TMEM52B: variants seen among roughly 807,000 people sequenced by gnomAD.
The protein encoded by TMEM52B is transmembrane protein 52B, also known as chromosome 12 open reading frame 59.
Under a neutral mutation model 16.1 loss-of-function variants are expected in TMEM52B, and 11 were observed. The ratio of observed to expected loss-of-function variants is 0.68; its 90% confidence interval spans 0.43 to 1.13. The LOEUF is 1.13. Among genes scored for constraint, TMEM52B ranks in the 50% most tolerant of loss-of-function variants. The pLI is 0.00. For missense variants in TMEM52B, 243 were observed against 230.4 expected (o/e 1.05, Z -0.35); for synonymous variants, 101 against 93.8 (o/e 1.08, Z -0.45).
At chr12:10,182,513 A>G in intron 1 of TMEM52B, 37 bp from the exon 2 acceptor site, 2 of 1,530,760 alleles carry the variant, frequency 1.3e-6, no homozygotes, top group Non-Finnish European at 1.7e-6. Flanking sequence ...AGTGGCCAAA[A>G]CAATTTCCCT....
At chr12:10,184,790 T>C (rs181034170) in intron 2 of TMEM52B, among the ~76,000 whole-genome samples, 1 of 152,306 alleles carries the variant, frequency 6.6e-6, no homozygotes, top group African/African-American at 2.4e-5. Context: ...TTCACATCCA[T>C]TTTCAAAGTT....
At chr12:10,181,284 G>T (rs1340990718) in intron 1 of TMEM52B, among the ~76,000 whole-genome samples, 1 of 152,010 alleles carries the variant, frequency 6.6e-6, no homozygotes, top group African/African-American at 2.4e-5. Context: ...ACATATCTAT[G>T]ATAGAGTTTG....
intron 3 of TMEM52B, among the ~76,000 whole-genome samples, chr12:10,185,937 T>C (rs1222529404): frequency 6.6e-6 from 1 of 151,834 alleles, no homozygotes; most frequent in Admixed American, 6.6e-5. Flanking sequence ...GCTACTCAGG[T>C]GGTTGAGGCA....
intron 4 of TMEM52B, among the ~76,000 whole-genome samples, chr12:10,188,883 G>A (rs932455289): frequency 2.6e-5 from 4 of 151,924 alleles, no homozygotes; most frequent in African/African-American, 9.7e-5. Context: ...TCGGCGTGGT[G>A]GCGGGCGCCT....
upstream of TMEM52B, among the ~76,000 whole-genome samples, chr12:10,174,728 AT>A (rs1948753436): frequency 6.6e-6 from 1 of 152,330 alleles, no homozygotes; most frequent in South Asian, 2.1e-4. Context: ...CACAGACCTA[AT>A]ACAAATCCCA....
chr12:10,179,269 A>G lies in TMEM52B; in HGVS notation c.-306A>G, dbSNP rs1389484514. On this transcript the variant is annotated 5_prime_UTR_variant, in exon 1 of 5. Coordinates refer to ENST00000543484, the MANE Select transcript of TMEM52B (RefSeq NM_001384896.1). ...GGAGCAGTAGGAGAAAGAAACTTCA[A>G]GATGTAGAAAGAATTAATAGTGTAA... is the stretch of plus-strand genomic sequence containing the variant. 1.5e-5 allele frequency: 5 copies of G among 339,100 alleles called. No individual in the cohort carries two copies. Among genetic ancestry groups the G allele is most frequent in the Non-Finnish European group, 2.8e-5 (5 of 180,034 alleles). The allele number at this position is 339,100 out of a possible 1,614,324, so 21.0% of individuals were successfully genotyped here. A position where few individuals can be genotyped will look rare whatever the true frequency, so the allele number is the denominator to read the frequency against.
At chr12:10,171,482 G>T (rs35553961) in intron 1 of TMEM52B, among the ~76,000 whole-genome samples, 4,024 of 152,242 alleles carry the variant, frequency 0.026, 77 homozygotes, top group Non-Finnish European at 0.04. Context: ...CATTTACTTT[G>T]CCTGCATAAT....
intron 1 of TMEM52B, among the ~76,000 whole-genome samples, chr12:10,173,480 G>A (rs1285183235): frequency 6.6e-6 from 1 of 151,720 alleles, no homozygotes; most frequent in African/African-American, 2.4e-5. Flanking sequence ...GAGTATTTGA[G>A]AACAAATTGA....
At chr12:10,177,808 ATAATAATT>A (rs1948778557), upstream of TMEM52B, among the ~76,000 whole-genome samples, 1 of 84,730 alleles carries the variant, frequency 1.2e-5, no homozygotes, top group African/African-American at 4.8e-5. Context: ...AATAATAATA[ATAATAATT>A]TTTTTATTAA....
At chr12:10,173,159 G>T (rs1439287426) in intron 1 of TMEM52B, among the ~76,000 whole-genome samples, 8 of 152,144 alleles carry the variant, frequency 5.3e-5, no homozygotes, top group Non-Finnish European at 1.2e-4. Flanking sequence ...CCATAAGTAT[G>T]TCTATATGTA....
rs772509997 is a variant in TMEM52B, at chr12:10,182,531, A to G, written c.55-19A>G. 1.4e-5 allele frequency: 21 copies of G among 1,534,136 alleles called. No homozygotes were observed. Among genetic ancestry groups the G allele is most frequent in the Middle Eastern group, 1.7e-4 (1 of 6,002 alleles). ...GGCCAAAACAATTTCCCTGTATAAG[A>G]CAATTTCTCTTTCTACAGCTTTCTG... On this transcript the variant is annotated intron_variant, in intron 1 of 4. Transcript: ENST00000543484.
upstream of TMEM52B, among the ~76,000 whole-genome samples, chr12:10,178,522 CAAA>C (rs56217145): frequency 3.3e-4 from 36 of 109,738 alleles, no homozygotes; most frequent in African/African-American, 4.7e-4. Flanking sequence ...GACTCCGTCT[CAAA>C]AAAAAAAAAA....
intron 1 of TMEM52B, chr12:10,182,241 A>G: frequency 4.1e-6 from 4 of 985,318 alleles, no homozygotes; most frequent in Non-Finnish European, 4.8e-6. Context: ...CCCAAGGGAC[A>G]GAGAGATCAG....
At chr12:10,174,788 T>A (rs140410504), upstream of TMEM52B, among the ~76,000 whole-genome samples, 1,049 of 152,384 alleles carry the variant, frequency 6.9e-3, 21 homozygotes, top group Admixed American at 0.029. Context: ...TTTGTTTCTA[T>A]AAATTGGTTT....
chr12:10,177,861 G>A (rs895721215), upstream of TMEM52B, among the ~76,000 whole-genome samples: 2 of 150,818 alleles, frequency 1.3e-5, no homozygotes, highest in Non-Finnish European at 3.0e-5. Context: ...ACCTACTTAA[G>A]TATAAATCAT....
At position 10,190,132 on chromosome 12, in the gene TMEM52B, T is replaced by C; in HGVS notation, c.544T>C (p.Trp182Arg). The change falls in exon 5 of 5, where the codon TGG (tryptophan) becomes CGG (arginine). Residue 182 changes from tryptophan (W) to arginine (R), a missense_variant. By Grantham distance (101) the Trp-to-Arg change is moderately radical. Transcript: ENST00000543484. ...GGAGTCGACTCGAATAGTTGACTCT[T>C]GGAACTGATGAGAGCTGTCATTTTA... Reference protein sequence around the residue: ...EKESTRIVDSWN With the variant: ...EKESTRIVDSRN 14 of 1,614,212 alleles carry C rather than the reference T, an allele frequency of 8.7e-6. No homozygotes were observed. Among genetic ancestry groups the C allele is most frequent in the Non-Finnish European group, 1.2e-5 (14 of 1,180,028 alleles).
intron 4 of TMEM52B, among the ~76,000 whole-genome samples, chr12:10,188,994 G>A (rs371920135): frequency 1.1e-4 from 14 of 123,632 alleles, no homozygotes; most frequent in African/African-American, 4.4e-4. Context: ...TCCAGCCTGG[G>A]CGACAGAGCG....
intron 2 of TMEM52B, 73 bp from the exon 3 acceptor site, chr12:10,185,257 T>C: frequency 9.7e-7 from 1 of 1,032,266 alleles, no homozygotes; most frequent in Non-Finnish European, 1.5e-6. Flanking sequence ...TTGTAACTCA[T>C]ATTTCTGAGT....
intron 1 of TMEM52B, chr12:10,170,873 A>G (rs1439101502): frequency 6.6e-6 from 1 of 152,124 alleles, no homozygotes; most frequent in Non-Finnish European, 1.5e-5. Context: ...CTTTTTCTAT[A>G]GATTCTCTTT....
Sources: allele counts gnomAD v4.1 joint callset (sites outside exome capture counted in the v4.1 genomes callset), GRCh38; gene constraint gnomAD v4.1.1; transcripts MANE v1.5; gene names NCBI Gene and HGNC (gene_info 2026-07-23, HGNC 2026-07-21).